The following NPAS3 variants were observed in gnomAD, a reference collection of about 807,000 sequenced individuals.
NPAS3 encodes the protein neuronal PAS domain-containing protein 3.
A neutral mutation model predicts 73.1 loss-of-function variants in NPAS3; 14 were observed. That is an observed-to-expected ratio of 0.19 (90% CI 0.13 to 0.30). The LOEUF is 0.30. Among genes scored for constraint, NPAS3 ranks in the 10% least tolerant of loss-of-function variants. The probability of loss-of-function intolerance (pLI) is 1.00; values close to 1 mark genes in which losing one functional copy is unlikely to be tolerated. For synonymous variants in NPAS3, 620 were observed against 541.5 expected, an observed-to-expected ratio of 1.14 and a Z score of -2.01; for missense variants, 1,096 against 1,250.0, an observed-to-expected ratio of 0.88 and a Z score of 1.86.
chr14:33,531,509 C>A (rs139375568), intron 4 of NPAS3, among the ~76,000 whole-genome samples: 1 of 152,068 alleles, frequency 6.6e-6, no homozygotes, highest in East Asian at 1.9e-4. Flanking sequence ...AGACTCATAT[C>A]GGTAATTCCT....
chr14:33,582,353 G>A (rs1318094251), intron 5 of NPAS3, among the ~76,000 whole-genome samples: 2 of 152,304 alleles, frequency 1.3e-5, no homozygotes, highest in East Asian at 3.9e-4. Context: ...AAAAGGCTTG[G>A]TTATGTTTCC....
At chr14:33,357,812 T>A (rs1224814358) in intron 3 of NPAS3, among the ~76,000 whole-genome samples, 2 of 152,160 alleles carry the variant, frequency 1.3e-5, no homozygotes, top group Non-Finnish European at 2.9e-5. Flanking sequence ...AGGAGAACAA[T>A]TAAATCAGGG....
intron 3 of NPAS3, among the ~76,000 whole-genome samples, chr14:33,265,332 T>TTTAGTAATG (rs1259479149): frequency 6.6e-6 from 1 of 152,232 alleles, no homozygotes; most frequent in Non-Finnish European, 1.5e-5. Context: ...TGACATTACT[T>TTTAGTAATG]TTCAGTTTAG....
chr14:33,676,228 C>T (rs769765729), exon 6 of NPAS3: 1 of 1,613,802 alleles, frequency 6.2e-7, no homozygotes, highest in South Asian at 1.1e-5. Flanking sequence ...TGACAGGCAG[C>T]AGTGTCTTTG....
chr14:33,095,651 T>A (rs999606783), intron 2 of NPAS3, among the ~76,000 whole-genome samples: 1 of 144,286 alleles, frequency 6.9e-6, no homozygotes, highest in African/African-American at 2.6e-5. Context: ...GCGTGGGCAT[T>A]CTCTGCTTTT....
chr14:33,086,117 ATG>A (rs1433228837), intron 2 of NPAS3, among the ~76,000 whole-genome samples: 1 of 152,222 alleles, frequency 6.6e-6, no homozygotes, highest in Non-Finnish European at 1.5e-5. Flanking sequence ...ATGTCATTAT[ATG>A]TTAAAAATGA....
chr14:33,268,200 C>A (rs752053923), intron 3 of NPAS3, among the ~76,000 whole-genome samples: 1 of 152,096 alleles, frequency 6.6e-6, no homozygotes, highest in Non-Finnish European at 1.5e-5. Context: ...AGTCCCAGGA[C>A]AGCATTTCTG....
chr14:33,197,271 T>TGTG (rs1466236792), intron 2 of NPAS3, among the ~76,000 whole-genome samples: 8 of 28,968 alleles, frequency 2.8e-4, no homozygotes, highest in African/African-American at 7.6e-4. Flanking sequence ...GTGTGTGTTC[T>TGTG]TTTTCAATTG....
chr14:33,224,535 A>T lies in NPAS3; in HGVS notation c.385+9109A>T, dbSNP rs191618003. ...GCATTCTAAAGGAAGGCCAATAGAT[A>T]TTTTTTTTGTTAAAAGACCAGATTG... is the stretch of plus-strand genomic sequence containing the variant. On this transcript the variant is annotated intron_variant, in intron 3 of 11. Coordinates refer to ENST00000356141, the Ensembl canonical transcript of NPAS3. 6.9e-4 allele frequency among the ~76,000 whole-genome samples: 105 copies of T among 151,830 alleles called. No individual in the cohort carries two copies. The East Asian group carries it at 9.7e-3, about 14-fold the overall frequency.
Position 33,560,102 on chromosome 14 carries a change from TTTA to T in NPAS3, c.469-16_469-14del. The T allele has an allele frequency of 1.2e-6, 1 of 845,906 alleles. No individual in the cohort carries two copies. Among genetic ancestry groups the T allele is most frequent in the South Asian group, 1.4e-5 (1 of 71,224 alleles). The allele number at this position is 845,906 out of a possible 1,614,324, so 52.4% of individuals were successfully genotyped here. On this transcript the variant is annotated splice_polypyrimidine_tract_variant and intron_variant, in intron 4 of 11. Coordinates refer to ENST00000356141, the Ensembl canonical transcript of NPAS3. ...TTGTATTTATTAATCTATTTATATATTTATTCTTTTTCCTGCAGTCCCTGGATG... is the reference window on the plus strand; with the variant it reads ...TTGTATTTATTAATCTATTTATATATTTCTTTTTCCTGCAGTCCCTGGATG...
chr14:32,978,241 T>C (rs1378553967), intron 1 of NPAS3, among the ~76,000 whole-genome samples: 2 of 152,152 alleles, frequency 1.3e-5, no homozygotes, highest in Non-Finnish European at 2.9e-5. Context: ...GCCTTTCTGC[T>C]GTGACTGGAG....
chr14:33,775,690 G>A (rs1202577952), intron 8 of NPAS3, among the ~76,000 whole-genome samples: 1 of 152,188 alleles, frequency 6.6e-6, no homozygotes, highest in African/African-American at 2.4e-5. Flanking sequence ...AAGAAACTCT[G>A]AATCTGCATT....
intron 4 of NPAS3, among the ~76,000 whole-genome samples, chr14:33,545,040 C>T (rs961436450): frequency 6.6e-6 from 1 of 151,132 alleles, no homozygotes; most frequent in Admixed American, 6.6e-5. Context: ...CCTGTATTTC[C>T]TTAATTTGTC....
At chr14:33,139,452 A>T (rs1402136594) in intron 2 of NPAS3, among the ~76,000 whole-genome samples, 1 of 152,116 alleles carries the variant, frequency 6.6e-6, no homozygotes, top group Non-Finnish European at 1.5e-5. Context: ...CCAACAGGAG[A>T]GGTGGGAATC....
chr14:33,516,741 A>G (rs1027454267), intron 4 of NPAS3, among the ~76,000 whole-genome samples: 1 of 152,080 alleles, frequency 6.6e-6, no homozygotes, highest in Non-Finnish European at 1.5e-5. Flanking sequence ...AATATTATGT[A>G]AAAATTGCGA....
chr14:33,566,432 C>T lies in NPAS3; in HGVS notation c.558+6222C>T, dbSNP rs1180746134. The stretch of plus-strand genomic sequence containing the variant: ...TCTGTTCGATCCAGATATTGAACTG[C>T]TCGTTCTTCCCCCCTTTTCCTTCCA... On this transcript the variant is annotated intron_variant, in intron 5 of 11. Transcript: ENST00000356141. Among the ~76,000 whole-genome samples the T allele has an allele frequency of 2.6e-5, 4 of 152,098 alleles. No individual in the cohort carries two copies. The East Asian group carries it at 5.8e-4, about 22-fold the overall frequency.
At chr14:33,162,577 C>T (rs992197424) in intron 2 of NPAS3, among the ~76,000 whole-genome samples, 1 of 152,056 alleles carries the variant, frequency 6.6e-6, no homozygotes, top group Non-Finnish European at 1.5e-5. Flanking sequence ...CTTTTAAATT[C>T]TTCTCATGTT....
chr14:32,963,387 G>A (rs2037012217), intron 1 of NPAS3, among the ~76,000 whole-genome samples: 1 of 152,138 alleles, frequency 6.6e-6, no homozygotes, highest in Non-Finnish European at 1.5e-5. Context: ...CTGTTCCAAA[G>A]CAAATCATGG....
At chr14:32,972,285 T>C (rs780928049) in intron 1 of NPAS3, among the ~76,000 whole-genome samples, 4 of 152,134 alleles carry the variant, frequency 2.6e-5, no homozygotes, top group Middle Eastern at 3.2e-3. Context: ...TAGTAAAACA[T>C]TGCCGGTACA....
Sources: gnomAD v4.1 joint callset for allele counts (sites outside exome capture counted in the v4.1 genomes callset) on GRCh38, gnomAD v4.1.1 for gene constraint, MANE v1.5 for transcripts, NCBI Gene and HGNC (gene_info 2026-07-23, HGNC 2026-07-21) for gene names.